The following GUSB variants were observed in gnomAD, a reference collection of about 807,000 sequenced individuals.
GUSB encodes the protein beta-glucuronidase.
Under a neutral mutation model 74.6 loss-of-function variants are expected in GUSB, and 51 were observed. The observed-to-expected ratio is 0.68, with a 90% CI of 0.55 to 0.86. GUSB has a LOEUF of 0.86. Ranked by LOEUF, GUSB falls within the 40% of genes least tolerant of loss-of-function variation. The pLI, the probability that GUSB is intolerant of heterozygous loss-of-function variation, is 0.00. For missense variants in GUSB, 736 were observed against 853.7 expected (o/e 0.86, Z 1.72); for synonymous variants, 360 against 348.3 (o/e 1.03, Z -0.37).
chr7:65,978,351 G>C (rs1166037936), intron 4 of GUSB, among the ~76,000 whole-genome samples: 3 of 152,112 alleles, frequency 2.0e-5, no homozygotes, highest in African/African-American at 7.2e-5. Flanking sequence ...AGGAGGCTGA[G>C]GCAAGAGAAT....
chr7:65,981,661 C>A (rs1050490802), intron 1 of GUSB, among the ~76,000 whole-genome samples: 1 of 152,046 alleles, frequency 6.6e-6, no homozygotes, highest in South Asian at 2.1e-4. Context: ...GAAACAGGTG[C>A]AAACCCAGTC....
Position 65,979,178 on chromosome 7 carries a change from C to T in GUSB, c.724+221G>A, listed in dbSNP as rs562672288. On this transcript the variant is annotated intron_variant, in intron 4 of 11. Transcript: ENST00000304895. ...AGGATTGCCACCCCGAGCTGTGTGA[C>T]GTTAGGCCAGACCCCTCTTCTCCTA... is the stretch of plus-strand genomic sequence containing the variant. 1.3e-3 allele frequency among the ~76,000 whole-genome samples: 202 copies of T among 152,258 alleles called. 1 individual carries two copies. The South Asian group carries it at 0.022, about 17-fold the overall frequency.
At chr7:65,974,838 C>T in intron 6 of GUSB, 81 bp downstream of exon 6, 1 of 1,567,384 alleles carries the variant, frequency 6.4e-7, no homozygotes, top group Non-Finnish European at 8.8e-7. Flanking sequence ...CTGAGCTGCC[C>T]TCAACTGCAG....
At chr7:65,966,824 G>A (rs942792992) in intron 10 of GUSB, among the ~76,000 whole-genome samples, 8 of 152,118 alleles carry the variant, frequency 5.3e-5, no homozygotes, top group African/African-American at 1.7e-4. Context: ...GATCATGCCT[G>A]TAATTCCAGC....
chr7:65,968,648 G>A (rs536561973), intron 9 of GUSB, among the ~76,000 whole-genome samples: 101 of 152,324 alleles, frequency 6.6e-4, no homozygotes, highest in Middle Eastern at 3.4e-3. Context: ...TGTTAGTGGT[G>A]CGATCTCAGC....
chr7:65,982,195 C>T lies in GUSB; in HGVS notation c.-12G>A, dbSNP rs2279903. On this transcript the variant is annotated 5_prime_UTR_variant, in exon 1 of 12. Coordinates refer to ENST00000304895, the MANE Select transcript of GUSB (RefSeq NM_000181.4). The stretch of plus-strand genomic sequence containing the variant: ...GACCCCCGGGCCATGCTTCCCGGTC[C>T]CCCGCTCGGCCACCGTCTGCGGCGC... The T allele has an allele frequency of 0.01, 15,275 of 1,499,816 alleles. 409 individuals are homozygous for T. In the East Asian group the frequency reaches 0.11, roughly 11 times the overall value. 92.9% of individuals were successfully genotyped at this position (1,499,816 alleles called of 1,614,324 possible).
intron 8 of GUSB, among the ~76,000 whole-genome samples, chr7:65,972,891 C>G (rs1280936846): frequency 1.3e-5 from 2 of 152,240 alleles, no homozygotes; most frequent in Non-Finnish European, 2.9e-5. Context: ...GAGCCTTCTG[C>G]CTGCTGCAGA....
chr7:65,976,279 C>T (rs1212852218), intron 4 of GUSB, 77 bp from the exon 5 acceptor site: 16 of 974,106 alleles, frequency 1.6e-5, no homozygotes, highest in Non-Finnish European at 2.6e-5. Flanking sequence ...CCTGCAGCCA[C>T]CGCTGCCAGG....
intron 10 of GUSB, 102 bp downstream of exon 10, chr7:65,967,629 G>T: frequency 1.0e-6 from 1 of 992,490 alleles, no homozygotes; most frequent in Non-Finnish European, 1.6e-6. Context: ...GCCCAAAGCT[G>T]AAGCGAGGGG....
chr7:65,961,153 T>C (rs1013774139), intron 11 of GUSB, 90 bp from the exon 12 acceptor site: 2 of 1,265,916 alleles, frequency 1.6e-6, no homozygotes, highest in African/African-American at 3.0e-5. Context: ...AGGCACTAAA[T>C]AGAAATGTCT....
chr7:65,963,096 G>C (rs564311387), intron 11 of GUSB, among the ~76,000 whole-genome samples: 1 of 152,082 alleles, frequency 6.6e-6, no homozygotes, highest in Non-Finnish European at 1.5e-5. Flanking sequence ...GACCTCAGGT[G>C]ATCTGTCCAC....
rs964771390 is a variant in GUSB, at chr7:65,968,405, C to A, written c.1477-498G>T. On this transcript the variant is annotated intron_variant, in intron 9 of 11. Coordinates refer to ENST00000304895, the MANE Select transcript of GUSB (RefSeq NM_000181.4). The stretch of plus-strand genomic sequence containing the variant: ...CCACACTGACACTCATGACGTGCGC[C>A]GCTGGGAAGGGCTGTGAGAGGCACA... Among the ~76,000 whole-genome samples, 6 of 152,234 alleles carry A rather than the reference C, an allele frequency of 3.9e-5. 1 individual carries two copies. The highest frequency in any genetic ancestry group is 3.9e-4 in the Admixed American group (6 of 15,276).
intron 8 of GUSB, among the ~76,000 whole-genome samples, chr7:65,972,147 C>T (rs1791253361): frequency 1.3e-5 from 2 of 152,154 alleles, no homozygotes; most frequent in South Asian, 4.1e-4. Context: ...GAGGCCTCCA[C>T]AGTACAGACT....
chr7:65,964,091 G>C (rs188360855), intron 11 of GUSB: 111 of 560,906 alleles, frequency 2.0e-4, no homozygotes, highest in Non-Finnish European at 1.6e-5. Flanking sequence ...CACTATAGCT[G>C]ACTCTCCTGT....
At chr7:65,980,186 C>CCT in intron 2 of GUSB, 38 bp downstream of exon 2, 2 of 212,788 alleles carry the variant, frequency 9.4e-6, no homozygotes, top group South Asian at 3.1e-5. Context: ...AGCAGCCGTG[C>CCT]CCCCCCACCC....
intron 11 of GUSB, among the ~76,000 whole-genome samples, chr7:65,961,541 T>G (rs1475705773): frequency 1.3e-5 from 2 of 152,180 alleles, no homozygotes; most frequent in Admixed American, 6.6e-5. Flanking sequence ...CCTGGTGTGT[T>G]AATTTCTAGT....
chr7:65,967,394 C>T (rs890350747), intron 10 of GUSB, among the ~76,000 whole-genome samples: 16 of 152,166 alleles, frequency 1.1e-4, no homozygotes, highest in Admixed American at 1.0e-3. Context: ...GTTAAGGCTG[C>T]AGTGAGCAGT....
rs113059520 is a variant in GUSB at position 65,964,335 on chromosome 7, T to C, written c.1777A>G (p.Met593Val). Residue 593 changes from methionine to valine, a missense_variant, in exon 11 of 12, where the codon ATG becomes GTG. Met to Val is a conservative substitution (Grantham distance 21). Around this residue, in one of 2 missense-constraint regions of GUSB, gnomAD observed 368 missense variants for 489.9 expected, o/e 0.75. Transcript: ENST00000304895. ...AACTGCCACTTACACTGTTCAGTCA[T>C]GAAATCGGCAAAATTCCAAATGAGC... The part of the protein sequence containing the change: ...GELIWNFADF[M>V]TEQSPTRVLG... The C allele has an allele frequency of 6.2e-7, 1 of 1,612,036 alleles. No homozygotes were observed. The highest frequency in any genetic ancestry group is 2.3e-4 in the Middle Eastern group (1 of 4,434).
intron 9 of GUSB, among the ~76,000 whole-genome samples, chr7:65,968,893 G>C (rs1331336881): frequency 6.6e-6 from 1 of 152,118 alleles, no homozygotes; most frequent in Non-Finnish European, 1.5e-5. Context: ...GGCTGTCACA[G>C]AGGATCTTGA....
Sources: gnomAD v4.1 joint callset for allele counts (sites outside exome capture counted in the v4.1 genomes callset) on GRCh38, gnomAD v4.1.1 for gene constraint, gnomAD v4.1.1 regional missense constraint, MANE v1.5 for transcripts, NCBI Gene and HGNC (gene_info 2026-07-23, HGNC 2026-07-21) for gene names.